The following HS3ST4 variants were observed in gnomAD, a reference collection of about 807,000 sequenced individuals.
The protein encoded by HS3ST4 is heparan sulfate glucosamine 3-O-sulfotransferase 4.
A neutral mutation model predicts 29.2 loss-of-function variants in HS3ST4; 17 were observed. The observed-to-expected ratio is 0.58, with a 90% CI of 0.40 to 0.87. The LOEUF (loss-of-function observed/expected upper bound fraction) is 0.87. HS3ST4 is among the 40% of genes least tolerant of loss of function. The pLI is 0.00. For missense variants in HS3ST4, 627 were observed against 634.5 expected (o/e 0.99, Z 0.13); for synonymous variants, 314 against 285.7 (o/e 1.10, Z -1.00).
intron 1 of HS3ST4, among the ~76,000 whole-genome samples, chr16:25,699,944 C>T: frequency 6.6e-6 from 1 of 152,180 alleles, no homozygotes; most frequent in South Asian, 2.1e-4. Context: ...TTTCCTCTCT[C>T]TCCCATTTTT....
chr16:26,134,146 G>C (rs1474442475), intron 1 of HS3ST4, among the ~76,000 whole-genome samples: 2 of 152,084 alleles, frequency 1.3e-5, no homozygotes, highest in Non-Finnish European at 2.9e-5. Flanking sequence ...GGCAAACTCG[G>C]ATGGAGGAAT....
intron 1 of HS3ST4, among the ~76,000 whole-genome samples, chr16:25,749,567 GGAA>G (rs751259036): frequency 2.6e-4 from 40 of 151,948 alleles, no homozygotes; most frequent in African/African-American, 7.7e-4. Context: ...GAGAGGAAGA[GGAA>G]GAAGAAGAAG....
In HS3ST4 at chr16:25,692,631, G is replaced by T. The variant is rs1567221100; in HGVS notation, c.214G>T (p.Ala72Ser). The T allele has an allele frequency of 1.5e-6, 2 of 1,363,260 alleles. No homozygotes were observed. The highest frequency in any genetic ancestry group is 3.3e-5 in the East Asian group (1 of 30,270). 84.4% of individuals were successfully genotyped at this position (1,363,260 alleles called of 1,614,324 possible). A position where few individuals can be genotyped will look rare whatever the true frequency, so the allele number is the denominator to read the frequency against. The part of the protein sequence containing the change: ...PLALQESPGA[A>S]AEPPPSPPPP... ...GGCGCTGCAGGAGTCGCCGGGCGCC[G>T]CCGCCGAGCCCCCGCCGAGCCCGCC... The change falls in exon 1 of 2, where the codon GCC (alanine) becomes TCC (serine). Residue 72 changes from alanine (A) to serine (S), a missense_variant. Transcript: ENST00000331351.
intron 1 of HS3ST4, among the ~76,000 whole-genome samples, chr16:25,888,918 A>G (rs1032740525): frequency 1.3e-5 from 2 of 152,124 alleles, no homozygotes; most frequent in African/African-American, 4.8e-5. Flanking sequence ...CATGGTTCCA[A>G]ATTCCCAGTC....
chr16:25,935,825 G>A, intron 1 of HS3ST4, among the ~76,000 whole-genome samples: 1 of 152,030 alleles, frequency 6.6e-6, no homozygotes, highest in Non-Finnish European at 1.5e-5. Context: ...TAGACATTGA[G>A]ACATTTATGT....
chr16:25,746,955 C>T (rs1021262281), intron 1 of HS3ST4, among the ~76,000 whole-genome samples: 2 of 151,962 alleles, frequency 1.3e-5, no homozygotes, highest in African/African-American at 2.4e-5. Context: ...CTCAAGCAAT[C>T]CTCCTGCCTC....
rs191884952 is a variant in HS3ST4, at chr16:25,763,498, A to G, written c.734+70347A>G. Among the ~76,000 whole-genome samples the G allele has an allele frequency of 1.1e-4, 16 of 152,276 alleles. 2 individuals are homozygous for G. The East Asian group carries it at 3.1e-3, about 29-fold the overall frequency. On this transcript the variant is annotated intron_variant, in intron 1 of 1. Coordinates refer to ENST00000331351, the MANE Select transcript of HS3ST4 (RefSeq NM_006040.3). ...CCCTTGAGTGTCAAATTATTCTTGC[A>G]TTTACCAACGATCACCAGGCACTGT...
intron 1 of HS3ST4, among the ~76,000 whole-genome samples, chr16:26,111,412 AT>A (rs1899128010): frequency 6.8e-6 from 1 of 146,588 alleles, no homozygotes; most frequent in African/African-American, 2.5e-5. Flanking sequence ...TTTCATTTTC[AT>A]TTTTTATTTT....
rs151108885 is a variant in HS3ST4, at chr16:25,783,165, T to C, written c.734+90014T>C. ...TGTGGATTGCAAATATGTCTGAAGATGTCATTGTCAGTGAAAGCAGTCTAT... is the reference window on the plus strand; with the variant it reads ...TGTGGATTGCAAATATGTCTGAAGACGTCATTGTCAGTGAAAGCAGTCTAT... On this transcript the variant is annotated intron_variant, in intron 1 of 1. Transcript: ENST00000331351. Among the ~76,000 whole-genome samples the C allele has an allele frequency of 2.0e-5, 3 of 152,344 alleles. No homozygotes were observed. In the East Asian group the frequency reaches 5.8e-4, roughly 29 times the overall value.
intron 1 of HS3ST4, among the ~76,000 whole-genome samples, chr16:25,791,267 A>T (rs1966868646): frequency 6.6e-6 from 1 of 152,094 alleles, no homozygotes. Flanking sequence ...CTTTGAGCCA[A>T]TTTCACACCA....
chr16:26,053,984 TACC>T (rs1395172820), intron 1 of HS3ST4, among the ~76,000 whole-genome samples: 3 of 152,140 alleles, frequency 2.0e-5, no homozygotes, highest in Non-Finnish European at 4.4e-5. Flanking sequence ...CACAGATTTC[TACC>T]ACCACAAAGA....
chr16:25,784,562 A>G (rs866797595), intron 1 of HS3ST4, among the ~76,000 whole-genome samples: 6 of 152,256 alleles, frequency 3.9e-5, no homozygotes, highest in Non-Finnish European at 5.9e-5. Context: ...TAGAAGATCA[A>G]ACCAGCTACA....
intron 1 of HS3ST4, chr16:26,025,250 GTAAC>G (rs1355338018): frequency 1.3e-5 from 2 of 154,068 alleles, no homozygotes; most frequent in African/African-American, 2.4e-5. Flanking sequence ...TGGTGCAAAA[GTAAC>G]TGCGGTTTTT....
At chr16:25,719,920 A>G (rs1041591822) in intron 1 of HS3ST4, among the ~76,000 whole-genome samples, 2 of 152,238 alleles carry the variant, frequency 1.3e-5, no homozygotes, top group Non-Finnish European at 2.9e-5. Context: ...AAATAAGTCA[A>G]TATGGGAAAA....
At chr16:26,077,054 G>C (rs1406129676) in intron 1 of HS3ST4, among the ~76,000 whole-genome samples, 1 of 152,164 alleles carries the variant, frequency 6.6e-6, no homozygotes. Flanking sequence ...AGGCTCTTCT[G>C]CTCTACTCAC....
At chr16:25,805,284 A>T (rs1011863492) in intron 1 of HS3ST4, among the ~76,000 whole-genome samples, 15 of 152,316 alleles carry the variant, frequency 9.8e-5, no homozygotes, top group Non-Finnish European at 2.1e-4. Context: ...CTGCTTAGAA[A>T]CAGAATTCAT....
intron 1 of HS3ST4, among the ~76,000 whole-genome samples, chr16:26,016,189 C>T (rs918209131): frequency 6.6e-5 from 10 of 152,156 alleles, no homozygotes; most frequent in Non-Finnish European, 1.5e-5. Flanking sequence ...TTCCTGTAAA[C>T]TAAGTGTGCT....
At chr16:26,091,025 A>G (rs1226171160) in intron 1 of HS3ST4, among the ~76,000 whole-genome samples, 1 of 152,300 alleles carries the variant, frequency 6.6e-6, no homozygotes, top group Middle Eastern at 3.4e-3. Context: ...CATAAAATAA[A>G]ATCTGTGCTG....
At chr16:25,857,351 A>T (rs1321393971) in intron 1 of HS3ST4, among the ~76,000 whole-genome samples, 1 of 152,100 alleles carries the variant, frequency 6.6e-6, no homozygotes, top group Non-Finnish European at 1.5e-5. Context: ...AAAGACATTG[A>T]TTATCAGTTT....
Sources: gnomAD v4.1 joint callset for allele counts (sites outside exome capture counted in the v4.1 genomes callset) on GRCh38, gnomAD v4.1.1 for gene constraint, MANE v1.5 for transcripts, NCBI Gene and HGNC (gene_info 2026-07-23, HGNC 2026-07-21) for gene names.